Variants in PDE10A observed in about 807,000 individuals in gnomAD.
PDE10A encodes the protein cAMP and cAMP-inhibited cGMP 3',5'-cyclic phosphodiesterase 10A.
A neutral mutation model predicts 97.7 loss-of-function variants in PDE10A; 39 were observed. The ratio of observed to expected loss-of-function variants is 0.40; its 90% CI spans 0.31 to 0.52. PDE10A has a LOEUF of 0.52. Ranked by LOEUF, PDE10A falls within the 20% of genes least tolerant of loss-of-function variation. The pLI is 0.56. For synonymous variants in PDE10A, 371 were observed against 376.8 expected, an observed-to-expected ratio of 0.98 and a Z score of 0.18; for missense variants, 731 against 1,047.8, an observed-to-expected ratio of 0.70 and a Z score of 4.17.
chr6:165,950,308 A>G (rs1481921038), intron 1 of PDE10A, among the ~76,000 whole-genome samples: 2 of 152,234 alleles, frequency 1.3e-5, no homozygotes, highest in East Asian at 1.9e-4. Flanking sequence ...CTTGATAGCC[A>G]TAAGTTTTTT....
Position 165,379,334 on chromosome 6 carries a change from G to A in PDE10A, c.2643C>T (p.Ser881=). 6.2e-7 allele frequency: 1 copy of A among 1,613,542 alleles called. No homozygotes were observed. Among genetic ancestry groups the A allele is most frequent in the South Asian group, 1.1e-5 (1 of 90,984 alleles). The part of the protein sequence containing the change: ...LEGHNIFSTL[S]SSEYEQVLEI... ...CAAGCACCTGCTCATATTCACTGGA[G>A]CTCAGAGTGGAGAAGATATTGTGCC... The change falls in exon 18 of 22, where the codon AGC becomes AGT. Residue 881 remains serine (S), a synonymous_variant. Transcript: ENST00000539869.
intron 1 of PDE10A, chr6:165,545,162 T>C (rs778664131): frequency 2.0e-6 from 1 of 501,242 alleles, no homozygotes; most frequent in South Asian, 1.5e-5. Context: ...GCCACTCCCA[T>C]GACACAAGGC....
At chr6:165,714,960 C>A (rs545172932) in intron 1 of PDE10A, among the ~76,000 whole-genome samples, 1 of 152,256 alleles carries the variant, frequency 6.6e-6, no homozygotes, top group Non-Finnish European at 1.5e-5. Flanking sequence ...CCTTGCTCTC[C>A]GCAAAGCCCT....
intron 1 of PDE10A, among the ~76,000 whole-genome samples, chr6:165,650,761 AT>A (rs144321034): frequency 0.46 from 68,086 of 147,672 alleles, 15,949 homozygotes; most frequent in Middle Eastern, 0.61. Flanking sequence ...GGTTACATGC[AT>A]TTTTTTTTTT....
chr6:165,587,415 A>G (rs1200354630), intron 1 of PDE10A, among the ~76,000 whole-genome samples: 1 of 152,176 alleles, frequency 6.6e-6, no homozygotes, highest in East Asian at 1.9e-4. Flanking sequence ...CAAAATGAGT[A>G]ATTTCCTTAG....
intron 1 of PDE10A, among the ~76,000 whole-genome samples, chr6:165,793,500 C>T (rs1285701791): frequency 5.9e-5 from 9 of 152,102 alleles, no homozygotes; most frequent in Admixed American, 5.9e-4. Flanking sequence ...GCGTGGGGTG[C>T]AACTGCACAC....
At chr6:165,362,685 T>G (rs186994399) in intron 18 of PDE10A, among the ~76,000 whole-genome samples, 1 of 152,130 alleles carries the variant, frequency 6.6e-6, no homozygotes, top group African/African-American at 2.4e-5. Context: ...AAAAAAACAG[T>G]AGAGGAGGGA....
At chr6:165,367,592 G>A (rs538570422) in intron 18 of PDE10A, among the ~76,000 whole-genome samples, 1 of 151,822 alleles carries the variant, frequency 6.6e-6, no homozygotes, top group Non-Finnish European at 1.5e-5. Flanking sequence ...GACTGTAAAA[G>A]CGGTCAGGGT....
At chr6:165,370,243 G>T (rs1784132487) in intron 18 of PDE10A, among the ~76,000 whole-genome samples, 1 of 150,778 alleles carries the variant, frequency 6.6e-6, no homozygotes, top group South Asian at 2.1e-4. Context: ...AACTTTAAAT[G>T]TAAATGGACT....
intron 1 of PDE10A, among the ~76,000 whole-genome samples, chr6:165,765,286 C>G (rs1468626070): frequency 6.6e-6 from 1 of 152,290 alleles, no homozygotes; most frequent in Non-Finnish European, 1.5e-5. Flanking sequence ...CATGCGCTCT[C>G]ACTCCTCAGC....
chr6:165,970,583 A>G (rs1784639121), intron 1 of PDE10A, among the ~76,000 whole-genome samples: 1 of 152,136 alleles, frequency 6.6e-6, no homozygotes, highest in Admixed American at 6.6e-5. Flanking sequence ...AGAAGAAATG[A>G]CTCCATTTAT....
Position 165,588,911 on chromosome 6 carries a change from G to T in PDE10A, c.866-45343C>A, listed in dbSNP as rs544755095. Among the ~76,000 whole-genome samples the T allele has an allele frequency of 2.6e-5, 4 of 152,216 alleles. No individual in the cohort carries two copies. The East Asian group carries it at 7.8e-4, about 29-fold the overall frequency. On this transcript the variant is annotated intron_variant, in intron 1 of 21. Coordinates refer to ENST00000539869, the MANE Select transcript of PDE10A (RefSeq NM_001385079.1). ...ACTCTAGCATAGCCCTAACACACAGGAAGTACTCAACAAATATTTAAAATA... is the reference window on the plus strand; with the variant it reads ...ACTCTAGCATAGCCCTAACACACAGTAAGTACTCAACAAATATTTAAAATA...
At chr6:165,440,429 G>C (rs1429815249) in intron 5 of PDE10A, among the ~76,000 whole-genome samples, 1 of 152,142 alleles carries the variant, frequency 6.6e-6, no homozygotes, top group East Asian at 1.9e-4. Flanking sequence ...CCCAGTATGT[G>C]GGTAATAAAA....
At chr6:165,341,713 T>G (rs1739716161) in intron 19 of PDE10A, among the ~76,000 whole-genome samples, 2 of 152,178 alleles carry the variant, frequency 1.3e-5, no homozygotes, top group African/African-American at 4.8e-5. Context: ...TTTTCTCTGC[T>G]TCTTGGGAGC....
chr6:165,875,184 T>A (rs1239594018), intron 1 of PDE10A, among the ~76,000 whole-genome samples: 2 of 152,072 alleles, frequency 1.3e-5, no homozygotes, highest in Non-Finnish European at 2.9e-5. Context: ...GAGAGTTGGT[T>A]TAGGACAAAC....
rs1354051716 is a variant in PDE10A, at chr6:165,838,033, T to TTC, written c.-615+149495_-615+149496insGA. On this transcript the variant is annotated intron_variant, in intron 1 of 19. Transcript: ENST00000366882. Reference sequence around the variant, plus strand: ...CTAGTAACTCAGGAAAGAGAGGAAGTTAGAGAACTAGAAACGTACAAGCTT... The same window carrying TTC: ...CTAGTAACTCAGGAAAGAGAGGAAGTTCTAGAGAACTAGAAACGTACAAGCTT... Among the ~76,000 whole-genome samples the TTC allele has an allele frequency of 4.6e-5, 7 of 152,278 alleles. No individual in the cohort carries two copies. In the South Asian group the frequency reaches 1.5e-3, roughly 32 times the overall value.
rs548949335 is a variant in PDE10A at position 165,375,005 on chromosome 6, T to C, written c.2783+4189A>G. On this transcript the variant is annotated intron_variant, in intron 18 of 21. Transcript: ENST00000539869. ...CACCCATATATGATGGTGAACTTAA[T>C]TGATAAATGTTGTGTGTATTCAGAC... Among the ~76,000 whole-genome samples the C allele has an allele frequency of 1.5e-3, 221 of 152,270 alleles. 2 individuals are homozygous for C. Among genetic ancestry groups the C allele is most frequent in the African/African-American group, 5.1e-3 (212 of 41,546 alleles).
At chr6:165,710,234 C>A (rs909737193) in intron 1 of PDE10A, among the ~76,000 whole-genome samples, 2 of 152,160 alleles carry the variant, frequency 1.3e-5, no homozygotes, top group African/African-American at 4.8e-5. Context: ...GCTTCTTCCT[C>A]AAGTAGAATA....
chr6:165,792,578 C>T (rs1338110008), intron 1 of PDE10A, among the ~76,000 whole-genome samples: 13 of 152,082 alleles, frequency 8.5e-5, no homozygotes, highest in Middle Eastern at 3.2e-3. Context: ...CCCCAGTCTC[C>T]GCTGCAGGGT....
Sources: gnomAD v4.1 joint callset for allele counts (sites outside exome capture counted in the v4.1 genomes callset) on GRCh38, gnomAD v4.1.1 for gene constraint, MANE v1.5 for transcripts, NCBI Gene and HGNC (gene_info 2026-07-23, HGNC 2026-07-21) for gene names.